UFSP2: variants seen among roughly 807,000 people sequenced by gnomAD.
The protein encoded by UFSP2 is ufm1-specific protease 2.
A neutral mutation model predicts 60.2 loss-of-function variants in UFSP2; 43 were observed. That is an observed-to-expected ratio of 0.71 (90% CI 0.56 to 0.92). The LOEUF is 0.92. Ranked by LOEUF, UFSP2 falls within the 40% of genes least tolerant of loss-of-function variation. The probability of loss-of-function intolerance (pLI) is 0.00; values close to 1 mark genes in which losing one functional copy is unlikely to be tolerated. For synonymous variants in UFSP2, 183 were observed against 195.1 expected (o/e 0.94, Z 0.52); for missense variants, 520 against 575.0 (o/e 0.90, Z 0.98).
At chr4:185,418,397 G>C in intron 4 of UFSP2, 44 bp downstream of exon 4, 2 of 1,458,640 alleles carry the variant, frequency 1.4e-6, no homozygotes, top group Non-Finnish European at 1.9e-6. Flanking sequence ...CAAATCCAAA[G>C]ATTTAACATT....
chr4:185,410,198 T>G (rs2095526814), intron 7 of UFSP2, among the ~76,000 whole-genome samples: 1 of 151,664 alleles, frequency 6.6e-6, no homozygotes, highest in Non-Finnish European at 1.5e-5. Context: ...TATTTGGACA[T>G]TAACAAACAC....
intron 2 of UFSP2, 38 bp from the exon 3 acceptor site, chr4:185,418,808 A>G (rs745602824): frequency 1.1e-5 from 16 of 1,499,414 alleles, no homozygotes; most frequent in Non-Finnish European, 1.3e-5. Flanking sequence ...TAAGAAAAAC[A>G]AATTTTTCAA....
chr4:185,408,403 A>G lies in UFSP2; in HGVS notation c.864T>C (p.His288=). Residue 288 remains histidine, a synonymous_variant, in exon 8 of 12, where the codon CAT becomes CAC. Coordinates refer to ENST00000264689, the MANE Select transcript of UFSP2 (RefSeq NM_018359.5). ...IYVVQGIYGY[H]HYMQDRIDDN... is the part of the protein sequence containing the mutation. ...CATCTATGCGATCCTGCATATAATG[A>G]TGATAGCCATATATGCCCTGGACCA... The G allele has an allele frequency of 6.2e-7, 1 of 1,614,176 alleles. No homozygotes were observed. Among genetic ancestry groups the G allele is most frequent in the Non-Finnish European group, 8.5e-7 (1 of 1,180,016 alleles).
intron 7 of UFSP2, among the ~76,000 whole-genome samples, chr4:185,412,904 C>A (rs2095531921): frequency 6.6e-6 from 1 of 152,088 alleles, no homozygotes; most frequent in Non-Finnish European, 1.5e-5. Flanking sequence ...AGTAACCCTT[C>A]CACCACCCTC....
At chr4:185,416,250 AGCCAC>A (rs1402761085) in intron 4 of UFSP2, among the ~76,000 whole-genome samples, 1 of 152,250 alleles carries the variant, frequency 6.6e-6, no homozygotes, top group African/African-American at 2.4e-5. Flanking sequence ...TAAACGTTAA[AGCCAC>A]GCATAGGTTC....
rs1055670444 is a variant in UFSP2, at chr4:185,405,640, C to A, written c.1198+140G>T. 9 of 849,060 alleles carry A rather than the reference C, an allele frequency of 1.1e-5. No individual in the cohort carries two copies. In the Middle Eastern group the frequency reaches 7.5e-4, roughly 71 times the overall value. 52.6% of individuals were successfully genotyped at this position (849,060 alleles called of 1,614,324 possible). On this transcript the variant is annotated intron_variant, in intron 10 of 11. Transcript: ENST00000264689. Reference sequence around the variant, plus strand: ...CCACCTTAGAAATTTTTTTCAATATCCAGAGATCCATACATATGGTGTAAA... The same window carrying A: ...CCACCTTAGAAATTTTTTTCAATATACAGAGATCCATACATATGGTGTAAA...
Position 185,408,443 on chromosome 4 carries a change from C to G in UFSP2, c.832-8G>C. ...GCCCTGGACCACATAAATCTATATA[C>G]AGAGAAGAAACACAGTAAAATATTA... On this transcript the variant is annotated splice_region_variant and splice_polypyrimidine_tract_variant and intron_variant, in intron 7 of 11. Coordinates refer to ENST00000264689, the MANE Select transcript of UFSP2 (RefSeq NM_018359.5). The G allele has an allele frequency of 6.2e-7, 1 of 1,611,680 alleles. No homozygotes were observed. The highest frequency in any genetic ancestry group is 1.3e-5 in the African/African-American group (1 of 74,908).
intron 10 of UFSP2, 60 bp downstream of exon 10, chr4:185,405,720 A>G: frequency 5.9e-6 from 9 of 1,529,646 alleles, no homozygotes; most frequent in Non-Finnish European, 8.1e-6. Flanking sequence ...AAATATTTAT[A>G]TCAATGATAA....
intron 2 of UFSP2, among the ~76,000 whole-genome samples, chr4:185,420,514 T>C (rs1460921344): frequency 1.3e-5 from 2 of 151,952 alleles, no homozygotes; most frequent in African/African-American, 2.4e-5. Flanking sequence ...AATAAATAAA[T>C]AAACAACGAC....
intron 9 of UFSP2, 164 bp from the exon 10 acceptor site, chr4:185,406,020 T>C: frequency 6.9e-7 from 1 of 1,448,700 alleles, no homozygotes; most frequent in South Asian, 1.2e-5. Flanking sequence ...AATTAAACTG[T>C]GCAATTTAAA....
At chr4:185,409,327 A>G (rs2095525360) in intron 7 of UFSP2, among the ~76,000 whole-genome samples, 1 of 152,170 alleles carries the variant, frequency 6.6e-6, no homozygotes, top group Admixed American at 6.6e-5. Flanking sequence ...CTAAGAATGT[A>G]TATGTCTTTT....
At chr4:185,424,664 GAAT>G (rs1397082680) in intron 1 of UFSP2, among the ~76,000 whole-genome samples, 5 of 151,950 alleles carry the variant, frequency 3.3e-5, no homozygotes, top group African/African-American at 2.4e-5. Flanking sequence ...GTTAAATAAA[GAAT>G]ACTACCAAAC....
chr4:185,421,301 C>T (rs928124908), intron 2 of UFSP2, among the ~76,000 whole-genome samples: 7 of 152,196 alleles, frequency 4.6e-5, no homozygotes, highest in African/African-American at 1.4e-4. Flanking sequence ...GCTGCAATCT[C>T]CTTCAAGGAA....
chr4:185,425,099 G>A (rs1169496728), intron 1 of UFSP2, among the ~76,000 whole-genome samples: 1 of 152,240 alleles, frequency 6.6e-6, no homozygotes, highest in Admixed American at 6.5e-5. Flanking sequence ...AGTGACAACA[G>A]ACAGACATTT....
chr4:185,407,822 G>A, intron 9 of UFSP2, 114 bp downstream of exon 9: 1 of 1,151,176 alleles, frequency 8.7e-7, no homozygotes, highest in Non-Finnish European at 1.2e-6. Context: ...TAATAAGGAA[G>A]AAGGAAAAGG....
Position 185,403,626 on chromosome 4 carries a change from A to AG in UFSP2, c.1199-9dup. The AG allele has an allele frequency of 1.3e-6, 2 of 1,598,196 alleles. No homozygotes were observed. Among genetic ancestry groups the AG allele is most frequent in the Non-Finnish European group, 8.5e-7 (1 of 1,176,132 alleles). Reference sequence around the variant, plus strand: ...GGGCCAAAACTCCTCCCCCTATAGAAGAAAAAATAGGAAATACGAATGAAG... The same window carrying AG: ...GGGCCAAAACTCCTCCCCCTATAGAAGGAAAAAATAGGAAATACGAATGAAG... On this transcript the variant is annotated splice_polypyrimidine_tract_variant and intron_variant, in intron 10 of 11. Coordinates refer to ENST00000264689, the MANE Select transcript of UFSP2 (RefSeq NM_018359.5).
chr4:185,404,013 T>C (rs185372176), intron 10 of UFSP2, among the ~76,000 whole-genome samples: 2 of 146,356 alleles, frequency 1.4e-5, no homozygotes, highest in Non-Finnish European at 3.0e-5. Context: ...TATTAACTGA[T>C]CTAAAATAGC....
intron 2 of UFSP2, among the ~76,000 whole-genome samples, chr4:185,419,962 T>C (rs1026211609): frequency 1.3e-5 from 2 of 152,218 alleles, no homozygotes; most frequent in Non-Finnish European, 2.9e-5. Context: ...ATGGCAACTC[T>C]CTATTTCACA....
chr4:185,415,898 T>C, intron 4 of UFSP2, 31 bp from the exon 5 acceptor site: 1 of 1,553,186 alleles, frequency 6.4e-7, no homozygotes, highest in Non-Finnish European at 8.8e-7. Flanking sequence ...AGTCAACTTG[T>C]AGTGCATTAA....
Sources: allele counts gnomAD v4.1 joint callset (sites outside exome capture counted in the v4.1 genomes callset), GRCh38; gene constraint gnomAD v4.1.1; transcripts MANE v1.5; gene names NCBI Gene and HGNC (gene_info 2026-07-23, HGNC 2026-07-21).